Variants in ZNF667 observed in about 807,000 individuals in gnomAD.
ZNF667 encodes myocardial ischemic preconditioning upregulated 1 ortholog.
A neutral mutation model predicts 31.8 loss-of-function variants in ZNF667; 13 were observed. The observed-to-expected ratio is 0.41, with a 90% CI of 0.27 to 0.65. The LOEUF (loss-of-function observed/expected upper bound fraction) is 0.65, where lower values mean the gene tolerates loss of function less well. Among genes scored for constraint, ZNF667 ranks in the 30% least tolerant of loss-of-function variants. The pLI, the probability that ZNF667 is intolerant of heterozygous loss-of-function variation, is 0.32. For missense variants in ZNF667, 642 were observed against 725.6 expected (o/e 0.88, Z 1.32); for synonymous variants, 228 against 247.1 (o/e 0.92, Z 0.73).
intron 6 of ZNF667, among the ~76,000 whole-genome samples, chr19:56,456,476 G>A (rs1384934993): frequency 1.3e-5 from 2 of 152,072 alleles, no homozygotes; most frequent in Non-Finnish European, 2.9e-5. Context: ...GTGAGACCTC[G>A]CAATTGTGAG....
intron 6 of ZNF667, among the ~76,000 whole-genome samples, chr19:56,455,809 T>A (rs535709267): frequency 6.6e-6 from 1 of 152,314 alleles, no homozygotes; most frequent in Admixed American, 6.5e-5. Flanking sequence ...CTTGAGGTGA[T>A]AGATACCTCA....
At chr19:56,452,347 G>GC (rs2042849227) in intron 6 of ZNF667, among the ~76,000 whole-genome samples, 1 of 151,926 alleles carries the variant, frequency 6.6e-6, no homozygotes, top group African/African-American at 2.4e-5. Flanking sequence ...ACCACCCCCG[G>GC]CCTGAAGAAA....
At chr19:56,470,778 T>C (rs2043275953) in intron 3 of ZNF667, among the ~76,000 whole-genome samples, 1 of 152,194 alleles carries the variant, frequency 6.6e-6, no homozygotes, top group African/African-American at 2.4e-5. Flanking sequence ...CCTTCGATTC[T>C]GACTTTTCTG....
intron 6 of ZNF667, among the ~76,000 whole-genome samples, chr19:56,452,332 G>A (rs912924573): frequency 2.0e-5 from 3 of 152,050 alleles, no homozygotes; most frequent in Non-Finnish European, 2.9e-5. Context: ...TTATAGGCGT[G>A]AGCCACCACC....
At chr19:56,462,493 A>G (rs1033549428) in intron 3 of ZNF667, 64 bp from the exon 4 acceptor site, 31 of 750,366 alleles carry the variant, frequency 4.1e-5, no homozygotes, top group Non-Finnish European at 5.6e-5. Context: ...TAACCTGGAG[A>G]CACACACACA....
At chr19:56,476,437 C>T (rs2043408811) in intron 1 of ZNF667, among the ~76,000 whole-genome samples, 1 of 152,162 alleles carries the variant, frequency 6.6e-6, no homozygotes, top group African/African-American at 2.4e-5. Flanking sequence ...CCAGTATTCA[C>T]CACTACCTCT....
rs1238634200 is a variant in ZNF667, at chr19:56,441,642, A to C, written c.1353T>G (p.Val451=). 6 of 1,613,976 alleles carry C rather than the reference A, an allele frequency of 3.7e-6. No individual in the cohort carries two copies. The African/African-American group carries it at 8.0e-5, about 22-fold the overall frequency. ...CAATAAGAAATGATTGGCGGCCGAA[A>C]ACTTTACTACATTTATTGCATTTGA... The part of the protein sequence containing the change: ...KPFKCNKCSK[V]FGRQSFLIEH... Residue 451 remains valine, a synonymous_variant, in exon 7 of 7, where the codon GTT becomes GTG. Coordinates refer to ENST00000504904, the MANE Select transcript of ZNF667 (RefSeq NM_001321356.2). This position sits in a 1 kb window ranked among gnomAD's most constrained non-coding sequence, Gnocchi z 4.2.
intron 6 of ZNF667, among the ~76,000 whole-genome samples, chr19:56,452,909 ACT>A (rs1265560565): frequency 6.0e-5 from 9 of 150,490 alleles, no homozygotes; most frequent in Non-Finnish European, 8.8e-5. Context: ...ACAGAGCAAG[ACT>A]CTGTCTCAAA....
At chr19:56,461,674 G>A (rs1282534332) in intron 4 of ZNF667, among the ~76,000 whole-genome samples, 3 of 152,186 alleles carry the variant, frequency 2.0e-5, no homozygotes, top group Admixed American at 6.5e-5. Context: ...CAGCAGCAAG[G>A]GGCAACTAAT....
At chr19:56,472,241 G>C (rs1600464131) in intron 2 of ZNF667, 54 bp from the exon 3 acceptor site, 1 of 152,326 alleles carries the variant, frequency 6.6e-6, no homozygotes, top group African/African-American at 2.4e-5. Flanking sequence ...TTCAAAGCTT[G>C]CCTCTGCCAA....
chr19:56,463,593 T>A (rs888740345), intron 3 of ZNF667, among the ~76,000 whole-genome samples: 1 of 152,034 alleles, frequency 6.6e-6, no homozygotes, highest in African/African-American at 2.4e-5. Flanking sequence ...AGTGGTGTGA[T>A]CTTGGCTCAC....
rs777492002 is a variant in ZNF667, at chr19:56,441,547, C to T, written c.1448G>A (p.Arg483Gln). 1.3e-5 allele frequency: 21 copies of T among 1,614,060 alleles called. No homozygotes were observed. The highest frequency in any genetic ancestry group is 6.7e-5 in the East Asian group (3 of 44,894). ...TCTCTTATGTCGTGTGAGAGATATT[C>T]GGTGGCTGAAGGCTTTTCCACATTC... ...CEECGKAFSH[R>Q]ISLTRHKRIH... The change falls in exon 7 of 7, where the codon CGA becomes CAA. Residue 483 changes from arginine (R) to glutamine (Q), a missense_variant. Physicochemically the swap from Arg to Gln is conservative, Grantham distance 43. Transcript: ENST00000504904. The surrounding 1 kb of genome is among the most constrained non-coding windows in gnomAD (Gnocchi z 4.2).
chr19:56,454,170 A>T (rs1279038615), intron 6 of ZNF667, among the ~76,000 whole-genome samples: 2 of 152,204 alleles, frequency 1.3e-5, no homozygotes, highest in Non-Finnish European at 2.9e-5. Context: ...CTGATGCAAG[A>T]AACTGATGAG....
rs1291719710 is a variant in ZNF667 at position 56,442,281 on chromosome 19, C to G, written c.714G>C (p.Gln238His). The stretch of plus-strand genomic sequence containing the variant: ...GAATTTTCTGATGTATATTGAAAGA[C>G]TGACATTGACTCAAGGCCTTCCCAC... ...LDCGKALSQC[Q>H]SFNIHQKIHV... Residue 238 changes from glutamine to histidine, a missense_variant, in exon 7 of 7, where the codon CAG becomes CAC. By Grantham distance (24) the Gln-to-His change is conservative (BLOSUM62 0). Transcript: ENST00000504904. 7 of 1,614,116 alleles carry G rather than the reference C, an allele frequency of 4.3e-6. No homozygotes were observed. The Admixed American group carries it at 1.0e-4, about 23-fold the overall frequency.
At chr19:56,450,469 T>C (rs965178192) in intron 6 of ZNF667, among the ~76,000 whole-genome samples, 3 of 152,136 alleles carry the variant, frequency 2.0e-5, no homozygotes, top group Non-Finnish European at 4.4e-5. Flanking sequence ...AGAAAGCCTA[T>C]AGGGAGTTCA....
At chr19:56,455,943 G>A (rs2042923188) in intron 6 of ZNF667, among the ~76,000 whole-genome samples, 1 of 152,046 alleles carries the variant, frequency 6.6e-6, no homozygotes, top group Non-Finnish European at 1.5e-5. Context: ...TTAAAAAGGT[G>A]AACTGCCAAG....
chr19:56,470,452 A>G (rs2043267909), intron 3 of ZNF667, among the ~76,000 whole-genome samples: 1 of 151,926 alleles, frequency 6.6e-6, no homozygotes, highest in Non-Finnish European at 1.5e-5. Context: ...CAAATCAACC[A>G]CCCAGGGTCC....
chr19:56,472,347 T>C (rs35215648), intron 2 of ZNF667, 160 bp from the exon 3 acceptor site: 28,990 of 152,280 alleles, frequency 0.19, 3,237 homozygotes, highest in Middle Eastern at 0.3. Flanking sequence ...GATATTTACA[T>C]GTGATGTCTT....
chr19:56,466,455 G>A (rs938494778), intron 3 of ZNF667, among the ~76,000 whole-genome samples: 1 of 152,118 alleles, frequency 6.6e-6, no homozygotes, highest in African/African-American at 2.4e-5. Context: ...GGCCCCAATG[G>A]GAGGCAGCTG....
Sources: allele counts gnomAD v4.1 joint callset (sites outside exome capture counted in the v4.1 genomes callset), GRCh38; gene constraint gnomAD v4.1.1; non-coding constraint Gnocchi (gnomAD v3.1); transcripts MANE v1.5; gene names NCBI Gene and HGNC (gene_info 2026-07-23, HGNC 2026-07-21).